The following CTTNBP2NL variants were observed in gnomAD, a reference collection of about 807,000 sequenced individuals.
CTTNBP2NL encodes the protein CTTNBP2 N-terminal like.
Under a neutral mutation model 32.5 loss-of-function variants are expected in CTTNBP2NL, and 16 were observed. The observed-to-expected ratio is 0.49, with a 90% CI of 0.33 to 0.75. The LOEUF (loss-of-function observed/expected upper bound fraction) is 0.75, where lower values mean the gene tolerates loss of function less well. CTTNBP2NL is among the 30% of genes least tolerant of loss of function. CTTNBP2NL has a pLI of 0.02. For synonymous variants in CTTNBP2NL, 298 were observed against 289.4 expected (o/e 1.03, Z -0.30); for missense variants, 645 against 756.0 (o/e 0.85, Z 1.72).
At chr1:112,442,879 C>T (rs574348652) in intron 3 of CTTNBP2NL, among the ~76,000 whole-genome samples, 4 of 151,830 alleles carry the variant, frequency 2.6e-5, no homozygotes, top group Non-Finnish European at 2.9e-5. Flanking sequence ...TTAGTAGAGA[C>T]GGGGTTTCGC....
rs1382994651 is a variant in CTTNBP2NL, at chr1:112,459,708, TCTAAACTGGAGAG to T, written c.*2297_*2309del. The T allele has an allele frequency of 6.6e-6, 1 of 152,208 alleles. No individual in the cohort carries two copies. Among genetic ancestry groups the T allele is most frequent in the Non-Finnish European group, 1.5e-5 (1 of 68,030 alleles). The allele number at this position is 152,208 out of a possible 1,614,324, so 9.4% of individuals were successfully genotyped here. A position where few individuals can be genotyped will look rare whatever the true frequency, so the allele number is the denominator to read the frequency against. On this transcript the variant is annotated 3_prime_UTR_variant, in exon 6 of 6. Transcript: ENST00000271277. ...TAGTGTTGATAAAATAGCTAAACTTTCTAAACTGGAGAGGAGGCTACAGTGCCAGAGAGTTATT... is the reference window on the plus strand; with the variant it reads ...TAGTGTTGATAAAATAGCTAAACTTTGAGGCTACAGTGCCAGAGAGTTATT...
chr1:112,434,544 T>C (rs1649670738), intron 3 of CTTNBP2NL, among the ~76,000 whole-genome samples: 1 of 152,220 alleles, frequency 6.6e-6, no homozygotes, highest in African/African-American at 2.4e-5. Flanking sequence ...GACACTCTGC[T>C]ACTCATCTTA....
chr1:112,446,620 A>G (rs72699020), intron 3 of CTTNBP2NL, among the ~76,000 whole-genome samples: 3,806 of 152,298 alleles, frequency 0.025, 65 homozygotes, highest in Non-Finnish European at 0.038. Flanking sequence ...TGGTATAATC[A>G]GAGCTCATAG....
chr1:112,430,146 T>C (rs1314609387), intron 3 of CTTNBP2NL, among the ~76,000 whole-genome samples: 1 of 152,310 alleles, frequency 6.6e-6, no homozygotes, highest in Admixed American at 6.5e-5. Flanking sequence ...TCAAACCCCA[T>C]ATATAAAAGC....
intron 3 of CTTNBP2NL, among the ~76,000 whole-genome samples, chr1:112,442,749 G>A (rs1649932832): frequency 1.3e-5 from 2 of 151,688 alleles, no homozygotes; most frequent in Non-Finnish European, 2.9e-5. Flanking sequence ...GGAGTGCAGT[G>A]GAGCAATCTC....
chr1:112,452,893 C>G (rs1650264823), intron 4 of CTTNBP2NL, among the ~76,000 whole-genome samples: 1 of 151,702 alleles, frequency 6.6e-6, no homozygotes, highest in South Asian at 2.1e-4. Context: ...GAAGCTGAGG[C>G]AGAAGGACCA....
intron 3 of CTTNBP2NL, among the ~76,000 whole-genome samples, chr1:112,440,856 G>T (rs1649871714): frequency 6.6e-6 from 1 of 152,158 alleles, no homozygotes; most frequent in Non-Finnish European, 1.5e-5. Flanking sequence ...GATTAGATAT[G>T]TAAAAAGCAC....
upstream of CTTNBP2NL, among the ~76,000 whole-genome samples, chr1:112,395,825 G>A (rs1240812711): frequency 1.3e-5 from 2 of 152,152 alleles, no homozygotes; most frequent in Non-Finnish European, 2.9e-5. Context: ...TAACATTCTG[G>A]ATAAAATCCC....
intron 3 of CTTNBP2NL, among the ~76,000 whole-genome samples, chr1:112,430,231 C>G (rs1649529077): frequency 7.3e-6 from 1 of 137,806 alleles, no homozygotes; most frequent in African/African-American, 2.8e-5. Flanking sequence ...CTTGTCTTTT[C>G]TCTTTCATTT....
chr1:112,426,375 C>G (rs61818732), intron 3 of CTTNBP2NL, among the ~76,000 whole-genome samples: 4,122 of 152,006 alleles, frequency 0.027, 83 homozygotes, highest in South Asian at 0.061. Flanking sequence ...TTTTTAGAAA[C>G]TAAATTCTGT....
intron 4 of CTTNBP2NL, among the ~76,000 whole-genome samples, chr1:112,450,767 C>CTTTTTT (rs34309573): frequency 1.5e-5 from 2 of 133,912 alleles, no homozygotes; most frequent in Non-Finnish European, 3.2e-5. Flanking sequence ...CCTATCTATT[C>CTTTTTT]TTTTTTTTTT....
chr1:112,425,956 CGTGTGTGTGTGTGTGT>C (rs376135147), intron 3 of CTTNBP2NL, among the ~76,000 whole-genome samples: 20 of 119,764 alleles, frequency 1.7e-4, no homozygotes, highest in South Asian at 6.9e-4. Flanking sequence ...ATCTGGATGC[CGTGTGTGTGTGTGTGT>C]GTGTGTGTGT....
In CTTNBP2NL at chr1:112,457,880, C is replaced by G. The variant is rs1347576805; in HGVS notation, c.*468C>G. On this transcript the variant is annotated 3_prime_UTR_variant, in exon 6 of 6. Coordinates refer to ENST00000271277, the MANE Select transcript of CTTNBP2NL (RefSeq NM_018704.3). ...TCATTTAATTACAGAAAATGAGATCCTCTGTGAATTCTGAATGTTAAAAAC... is the reference window on the plus strand; with the variant it reads ...TCATTTAATTACAGAAAATGAGATCGTCTGTGAATTCTGAATGTTAAAAAC... 6.5e-6 allele frequency: 1 copy of G among 154,484 alleles called. No individual in the cohort carries two copies. The highest frequency in any genetic ancestry group is 1.4e-5 in the Non-Finnish European group (1 of 69,390). 9.6% of individuals were successfully genotyped at this position (154,484 alleles called of 1,614,324 possible).
intron 3 of CTTNBP2NL, among the ~76,000 whole-genome samples, chr1:112,421,055 T>C (rs1403084210): frequency 6.6e-6 from 1 of 152,144 alleles, no homozygotes; most frequent in Non-Finnish European, 1.5e-5. Context: ...AAGTGCTCAG[T>C]GCTCATTTAC....
Position 112,456,809 on chromosome 1 carries a change from G to T in CTTNBP2NL, c.1317G>T (p.Gly439=), listed in dbSNP as rs1427028865. The T allele has an allele frequency of 6.2e-7, 1 of 1,614,030 alleles. No homozygotes were observed. Among genetic ancestry groups the T allele is most frequent in the Admixed American group, 1.7e-5 (1 of 60,006 alleles). ...SSPVLTKRLL[G]SSASSPGYQS... is the part of the protein sequence containing the mutation. ...CGGTACTCACTAAGCGTTTATTGGGGTCATCAGCTAGCAGCCCTGGCTACC... is the reference window on the plus strand; with the variant it reads ...CGGTACTCACTAAGCGTTTATTGGGTTCATCAGCTAGCAGCCCTGGCTACC... Residue 439 remains glycine, a synonymous_variant, in exon 6 of 6, where the codon GGG becomes GGT. Transcript: ENST00000271277.
At chr1:112,430,991 A>G (rs1557891867) in intron 3 of CTTNBP2NL, among the ~76,000 whole-genome samples, 2 of 152,242 alleles carry the variant, frequency 1.3e-5, no homozygotes, top group Non-Finnish European at 2.9e-5. Context: ...AAGAATGAAG[A>G]TGCCAGAAGA....
chr1:112,437,075 T>C (rs773500661), intron 3 of CTTNBP2NL, among the ~76,000 whole-genome samples: 21 of 152,230 alleles, frequency 1.4e-4, no homozygotes, highest in Non-Finnish European at 2.6e-4. Context: ...GTGTCTTTGC[T>C]ATTGAGAATA....
At chr1:112,447,980 T>C (rs1227070639) in intron 3 of CTTNBP2NL, among the ~76,000 whole-genome samples, 1 of 152,240 alleles carries the variant, frequency 6.6e-6, no homozygotes, top group Non-Finnish European at 1.5e-5. Context: ...ACATGTAATG[T>C]ATGATGCTCA....
At chr1:112,415,780 C>G in intron 2 of CTTNBP2NL, 1 of 227,082 alleles carries the variant, frequency 4.4e-6, no homozygotes, top group South Asian at 5.8e-5. Context: ...TGGTCTCGAT[C>G]TCCTGACTTC....
Sources: gnomAD v4.1 joint callset for allele counts (sites outside exome capture counted in the v4.1 genomes callset) on GRCh38, gnomAD v4.1.1 for gene constraint, MANE v1.5 for transcripts, NCBI Gene and HGNC (gene_info 2026-07-23, HGNC 2026-07-21) for gene names.